Variants in CENPH observed in about 807,000 individuals in gnomAD.
CENPH encodes CENP-H.
In CENPH, 40 loss-of-function variants were observed where a neutral mutation model predicts 42.9. That is an observed-to-expected ratio of 0.93 (90% CI 0.72 to 1.21). The LOEUF (loss-of-function observed/expected upper bound fraction) is 1.21, where lower values mean the gene tolerates loss of function less well. Among genes scored for constraint, CENPH ranks in the 50% most tolerant of loss-of-function variants. The pLI is 0.00. For missense variants in CENPH, 302 were observed against 292.9 expected (o/e 1.03, Z -0.23); for synonymous variants, 88 against 96.5 (o/e 0.91, Z 0.52).
In CENPH at chr5:69,191,852, TA is replaced by T. The variant is rs1561320572; in HGVS notation, c.190+4del. Reference sequence around the variant, plus strand: ...AATATAAATCAATGGTTGATGCAAGTAAGTATTTTCATTTTCAAATTAGGGT... The same window carrying T: ...AATATAAATCAATGGTTGATGCAAGTAGTATTTTCATTTTCAAATTAGGGT... On this transcript the variant is annotated splice_donor_region_variant and intron_variant, in intron 2 of 8. Transcript: ENST00000283006. 6.6e-7 allele frequency: 1 copy of T among 1,505,444 alleles called. No homozygotes were observed. Among genetic ancestry groups the T allele is most frequent in the Non-Finnish European group, 9.2e-7 (1 of 1,083,436 alleles). 93.3% of individuals were successfully genotyped at this position (1,505,444 alleles called of 1,614,324 possible).
intron 1 of CENPH, 80 bp from the exon 2 acceptor site, chr5:69,191,715 T>C: frequency 2.6e-6 from 2 of 775,390 alleles, no homozygotes; most frequent in Non-Finnish European, 2.2e-6. Context: ...CGAAAAAGAA[T>C]GAGTTGGTTC....
intron 4 of CENPH, among the ~76,000 whole-genome samples, chr5:69,196,662 A>AT (rs1463714530): frequency 6.6e-6 from 1 of 152,064 alleles, no homozygotes; most frequent in Non-Finnish European, 1.5e-5. Context: ...ACAAAAAAAA[A>AT]GTTTTAAAGT....
Position 69,208,349 on chromosome 5 carries a change from A to G in CENPH, c.641A>G (p.His214Arg), listed in dbSNP as rs751395109. ...ATAAAAATTACTACTGTTATTCAAC[A>G]TGTGTTCCAGGTAACATTTATATAA... ...MEIKITTVIQ[H>R]VFQNLILGSK... The change falls in exon 8 of 9, where the codon CAT becomes CGT. Residue 214 changes from histidine (H) to arginine (R), a missense_variant. Physicochemically the swap from His to Arg is conservative, Grantham distance 29. Transcript: ENST00000283006. 1.3e-6 allele frequency: 2 copies of G among 1,588,990 alleles called. No individual in the cohort carries two copies. Among genetic ancestry groups the G allele is most frequent in the East Asian group, 2.2e-5 (1 of 44,612 alleles).
intron 7 of CENPH, among the ~76,000 whole-genome samples, chr5:69,206,433 G>T (rs748880678): frequency 1.6e-4 from 24 of 151,340 alleles, no homozygotes; most frequent in Non-Finnish European, 2.2e-4. Flanking sequence ...CACCCACCTC[G>T]GCCTCCCAAA....
chr5:69,190,482 CAG>C (rs916055138), intron 1 of CENPH, among the ~76,000 whole-genome samples: 159 of 152,304 alleles, frequency 1.0e-3, no homozygotes, highest in African/African-American at 3.7e-3. Context: ...GTAGCTAAAA[CAG>C]AGACCGTGTG....
intron 7 of CENPH, among the ~76,000 whole-genome samples, chr5:69,205,655 A>G (rs1380179134): frequency 3.3e-5 from 5 of 150,282 alleles, no homozygotes; most frequent in Non-Finnish European, 3.0e-5. Context: ...TTGGGACTAC[A>G]GGTGCATGCC....
In CENPH at chr5:69,202,802, A is replaced by G. The variant is rs937655694; in HGVS notation, c.436-117A>G. The stretch of plus-strand genomic sequence containing the variant: ...TCCTTTTGCTGTCTGGAAATAGAGG[A>G]ATTGAAAACTGGAACTTTAGATAAC... On this transcript the variant is annotated intron_variant, in intron 6 of 8. Coordinates refer to ENST00000283006, the MANE Select transcript of CENPH (RefSeq NM_022909.4). 44 of 670,330 alleles carry G rather than the reference A, an allele frequency of 6.6e-5. No individual in the cohort carries two copies. In the African/African-American group the frequency reaches 7.2e-4, roughly 11 times the overall value. 41.5% of individuals were successfully genotyped at this position (670,330 alleles called of 1,614,324 possible).
chr5:69,208,604 C>CT (rs1748198260), intron 8 of CENPH, among the ~76,000 whole-genome samples: 1 of 152,160 alleles, frequency 6.6e-6, no homozygotes, highest in Non-Finnish European at 1.5e-5. Flanking sequence ...GGTGATCCGT[C>CT]TGCCTCAGCC....
At chr5:69,197,748 C>T (rs1184130913) in intron 5 of CENPH, among the ~76,000 whole-genome samples, 1 of 151,362 alleles carries the variant, frequency 6.6e-6, no homozygotes, top group African/African-American at 2.4e-5. Flanking sequence ...CACATGTATA[C>T]ATATGTAACA....
At chr5:69,204,597 C>CTTTTTTGTTTTTT (rs1748116924) in intron 7 of CENPH, among the ~76,000 whole-genome samples, 1 of 69,576 alleles carries the variant, frequency 1.4e-5, no homozygotes, top group Non-Finnish European at 2.5e-5. Context: ...GCTTGTATTT[C>CTTTTTTGTTTTTT]TTTTTTTTTT....
intron 7 of CENPH, among the ~76,000 whole-genome samples, chr5:69,204,156 T>A (rs1330477273): frequency 1.4e-5 from 2 of 146,412 alleles, no homozygotes. Flanking sequence ...TGACATGAGA[T>A]GGTTTTTTGT....
At chr5:69,208,896 G>A (rs1280739527) in intron 8 of CENPH, among the ~76,000 whole-genome samples, 2 of 152,034 alleles carry the variant, frequency 1.3e-5, no homozygotes, top group African/African-American at 4.8e-5. Flanking sequence ...CTGGGTTCAA[G>A]CGATTCTCCT....
At chr5:69,202,078 A>G (rs1412155741) in intron 5 of CENPH, among the ~76,000 whole-genome samples, 5 of 152,206 alleles carry the variant, frequency 3.3e-5, no homozygotes, top group Admixed American at 2.6e-4. Flanking sequence ...TGAAACTAAA[A>G]TTGCTCTAAA....
intron 7 of CENPH, among the ~76,000 whole-genome samples, chr5:69,205,282 C>T (rs913087723): frequency 1.3e-5 from 2 of 151,762 alleles, no homozygotes; most frequent in African/African-American, 4.8e-5. Flanking sequence ...AGCTGGAGTG[C>T]AGTGGCGCGA....
chr5:69,195,057 C>T (rs1292969281), intron 3 of CENPH, among the ~76,000 whole-genome samples: 1 of 152,010 alleles, frequency 6.6e-6, no homozygotes, highest in Non-Finnish European at 1.5e-5. Flanking sequence ...TGGAGAAACC[C>T]CATCTCTACT....
chr5:69,204,805 T>C (rs974154510), intron 7 of CENPH, among the ~76,000 whole-genome samples: 3 of 151,472 alleles, frequency 2.0e-5, no homozygotes, highest in Admixed American at 6.6e-5. Context: ...AGGGTTTCAC[T>C]GTCTTGGCCA....
chr5:69,205,592 C>T (rs1012783755), intron 7 of CENPH, among the ~76,000 whole-genome samples: 8 of 151,972 alleles, frequency 5.3e-5, no homozygotes, highest in African/African-American at 1.9e-4. Context: ...TGGCTCACTA[C>T]AGCCTCAACT....
At chr5:69,199,980 G>A (rs566587449) in intron 5 of CENPH, among the ~76,000 whole-genome samples, 1 of 152,160 alleles carries the variant, frequency 6.6e-6, no homozygotes, top group African/African-American at 2.4e-5. Context: ...GGGCGTGGTG[G>A]CAGGTACCTG....
intron 1 of CENPH, among the ~76,000 whole-genome samples, chr5:69,190,884 CTT>C (rs909967159): frequency 1.3e-5 from 2 of 151,036 alleles, no homozygotes; most frequent in East Asian, 3.9e-4. Context: ...GAGCAAGACT[CTT>C]GACTCAAAAA....
Sources: gnomAD v4.1 joint callset for allele counts (sites outside exome capture counted in the v4.1 genomes callset) on GRCh38, gnomAD v4.1.1 for gene constraint, MANE v1.5 for transcripts, NCBI Gene and HGNC (gene_info 2026-07-23, HGNC 2026-07-21) for gene names.